ERC1: variants seen among roughly 807,000 people sequenced by gnomAD.
ERC1 encodes the protein ELKS/RAB6-interacting/CAST family member 1, also known as RAB6 interacting protein 2.
Under a neutral mutation model 132.0 loss-of-function variants are expected in ERC1, and 56 were observed. The observed-to-expected ratio is 0.42, with a 90% CI of 0.34 to 0.53. The LOEUF is 0.53. ERC1 is among the 20% of genes least tolerant of loss of function. The probability of loss-of-function intolerance (pLI) is 0.03; values close to 1 mark genes in which losing one functional copy is unlikely to be tolerated. For missense variants in ERC1, 1,202 were observed against 1,349.9 expected, an observed-to-expected ratio of 0.89 and a Z score of 1.72; for synonymous variants, 478 against 476.1, an observed-to-expected ratio of 1.00 and a Z score of -0.05.
At chr12:1,421,780 G>A (rs1183128944) in intron 17 of ERC1, among the ~76,000 whole-genome samples, 1 of 152,026 alleles carries the variant, frequency 6.6e-6, no homozygotes, top group Non-Finnish European at 1.5e-5. Context: ...CACTTTGGGA[G>A]GCTGAGGCAG....
At chr12:1,386,999 G>A (rs1375709551) in intron 16 of ERC1, 1 of 151,988 alleles carries the variant, frequency 6.6e-6, no homozygotes, top group East Asian at 1.9e-4. Flanking sequence ...GAAACCTAAT[G>A]GAATTTTCTC....
chr12:1,203,132 A>C (rs893051823), intron 12 of ERC1, among the ~76,000 whole-genome samples: 10 of 152,196 alleles, frequency 6.6e-5, no homozygotes, highest in Non-Finnish European at 1.3e-4. Context: ...ATCTCGGCTC[A>C]CTGCAGCCTC....
intron 13 of ERC1, chr12:1,244,776 C>CTTTTTT: frequency 7.3e-6 from 2 of 273,776 alleles, no homozygotes; most frequent in Non-Finnish European, 1.5e-5. Context: ...GCCTCGGCCT[C>CTTTTTT]TACAAGTGCT....
chr12:1,044,039 A>G (rs1970705877), intron 2 of ERC1, among the ~76,000 whole-genome samples: 1 of 152,136 alleles, frequency 6.6e-6, no homozygotes, highest in African/African-American at 2.4e-5. Context: ...CAGGATAGTG[A>G]AGGGCATATT....
At chr12:1,001,819 A>G (rs1962356071) in intron 1 of ERC1, among the ~76,000 whole-genome samples, 1 of 135,482 alleles carries the variant, frequency 7.4e-6, no homozygotes, top group Non-Finnish European at 1.6e-5. Flanking sequence ...TTGGGCTATT[A>G]TGGATTATGC....
intron 16 of ERC1, chr12:1,386,473 C>G (rs2089363503): frequency 6.6e-6 from 1 of 151,202 alleles, no homozygotes; most frequent in African/African-American, 2.4e-5. Flanking sequence ...CATGGTGAAA[C>G]CCCGTCTCTA....
intron 16 of ERC1, chr12:1,390,592 C>A (rs940928501): frequency 3.9e-5 from 6 of 152,122 alleles, no homozygotes; most frequent in African/African-American, 1.2e-4. Context: ...AAAGTACTTA[C>A]CAGAGCATGC....
chr12:1,375,134 T>A (rs1424535587), intron 16 of ERC1, among the ~76,000 whole-genome samples: 1 of 152,136 alleles, frequency 6.6e-6, no homozygotes, highest in Non-Finnish European at 1.5e-5. Flanking sequence ...TGCTGTAAAG[T>A]ACTACCTGAG....
intron 18 of ERC1, among the ~76,000 whole-genome samples, chr12:1,471,483 GC>G (rs1262711714): frequency 6.6e-6 from 1 of 152,202 alleles, no homozygotes; most frequent in African/African-American, 2.4e-5. Flanking sequence ...TCATCAGAAA[GC>G]AAACATTTGT....
chr12:1,196,585 C>G (rs1265601746), intron 12 of ERC1, among the ~76,000 whole-genome samples: 2 of 151,370 alleles, frequency 1.3e-5, no homozygotes, highest in African/African-American at 2.4e-5. Context: ...CCTAGACCTC[C>G]CAGCCTCAAG....
At chr12:1,171,267 T>C (rs1342776218) in intron 8 of ERC1, among the ~76,000 whole-genome samples, 1 of 152,152 alleles carries the variant, frequency 6.6e-6, no homozygotes, top group Admixed American at 6.5e-5. Context: ...TAGAGTTTCT[T>C]ATGGTTTTGT....
chr12:1,075,982 T>C (rs2154184927), intron 2 of ERC1, among the ~76,000 whole-genome samples: 1 of 152,328 alleles, frequency 6.6e-6, no homozygotes, highest in Non-Finnish European at 1.5e-5. Context: ...CATAGAGATA[T>C]ATTAAAGTTT....
intron 13 of ERC1, among the ~76,000 whole-genome samples, chr12:1,245,642 T>C (rs1023447909): frequency 5.3e-5 from 8 of 152,212 alleles, no homozygotes; most frequent in Non-Finnish European, 7.3e-5. Flanking sequence ...GTTCAACACA[T>C]TAAAAATGTT....
intron 16 of ERC1, among the ~76,000 whole-genome samples, chr12:1,375,831 A>T (rs2087839623): frequency 7.0e-6 from 1 of 142,632 alleles, no homozygotes; most frequent in Non-Finnish European, 1.5e-5. Context: ...TCCACCTCCT[A>T]GGTTGAAGCA....
intron 18 of ERC1, among the ~76,000 whole-genome samples, chr12:1,450,399 C>A (rs2093400243): frequency 6.6e-6 from 1 of 152,184 alleles, no homozygotes; most frequent in African/African-American, 2.4e-5. Context: ...TGGAATCAGG[C>A]AGTATTTGTC....
intron 7 of ERC1, among the ~76,000 whole-genome samples, chr12:1,138,038 T>A (rs1949447631): frequency 1.5e-5 from 2 of 129,314 alleles, no homozygotes; most frequent in African/African-American, 5.9e-5. Context: ...TATAATTATA[T>A]ATAAAATACA....
chr12:1,432,022 G>A (rs1403066798), intron 17 of ERC1, among the ~76,000 whole-genome samples: 1 of 152,090 alleles, frequency 6.6e-6, no homozygotes. Context: ...GGGACTATTG[G>A]CATGCACCAC....
At chr12:1,240,992 A>C (rs2075752040) in intron 13 of ERC1, among the ~76,000 whole-genome samples, 1 of 152,136 alleles carries the variant, frequency 6.6e-6, no homozygotes, top group Non-Finnish European at 1.5e-5. Flanking sequence ...GACATTTCTT[A>C]ATTTTCAATT....
rs1217071953 is a variant in ERC1, at chr12:1,083,451, A to AG, written c.959dup (p.Leu321ThrfsTer11). The AG allele has an allele frequency of 6.2e-7, 1 of 1,614,238 alleles. No homozygotes were observed. The highest frequency in any genetic ancestry group is 2.2e-5 in the East Asian group (1 of 44,886). Reference sequence around the variant, plus strand: ...AGCTTCTGGAAATGTTGCAGAGCAAAGGACTTTCTGCCAAGGCTACCGAGG... The same window carrying AG: ...AGCTTCTGGAAATGTTGCAGAGCAAAGGGACTTTCTGCCAAGGCTACCGAGG... On this transcript the variant is annotated frameshift_variant, in exon 3 of 19. Transcript: ENST00000360905. LOFTEE classifies it high-confidence loss of function.
Sources: gnomAD v4.1 joint callset for allele counts (sites outside exome capture counted in the v4.1 genomes callset) on GRCh38, gnomAD v4.1.1 for gene constraint, MANE v1.5 for transcripts, NCBI Gene and HGNC (gene_info 2026-07-23, HGNC 2026-07-21) for gene names.